Variants in GAREM1 observed in about 807,000 individuals in gnomAD.
GAREM1 encodes GRB2 associated regulator of MAPK1 subtype 1.
Under a neutral mutation model 71.3 loss-of-function variants are expected in GAREM1, and 26 were observed. That is an observed-to-expected ratio of 0.36 (90% CI 0.27 to 0.51). The LOEUF (loss-of-function observed/expected upper bound fraction) is 0.51, where lower values mean the gene tolerates loss of function less well. GAREM1 is among the 20% of genes least tolerant of loss of function. The pLI, the probability that GAREM1 is intolerant of heterozygous loss-of-function variation, is 0.95. For synonymous variants in GAREM1, 440 were observed against 433.2 expected, an observed-to-expected ratio of 1.02 and a Z score of -0.20; for missense variants, 1,026 against 1,103.1, an observed-to-expected ratio of 0.93 and a Z score of 0.99.
rs993437191 is a variant in GAREM1, at chr18:32,470,806, T to G, written c.-378A>C. 6.7e-6 allele frequency among the ~76,000 whole-genome samples: 1 copy of G among 149,436 alleles called. No individual in the cohort carries two copies. The highest frequency in any genetic ancestry group is 1.5e-5 in the Non-Finnish European group (1 of 67,048). ...GCTCGCCTCCTCCTCCTCTTACCCC[T>G]CCTTCCCTCCGCCTCGAGCGTGTGA... On this transcript the variant is annotated 5_prime_UTR_variant, in exon 1 of 6. Coordinates refer to ENST00000269209, the MANE Select transcript of GAREM1 (RefSeq NM_001242409.2). This position sits in a 1 kb window ranked among gnomAD's most constrained non-coding sequence, Gnocchi z 4.4.
chr18:32,410,402 G>A (rs1031159672), intron 1 of GAREM1, among the ~76,000 whole-genome samples: 4 of 152,162 alleles, frequency 2.6e-5, no homozygotes, highest in African/African-American at 7.2e-5. Flanking sequence ...AGCCTGGAGT[G>A]CATTGGCATG....
intron 1 of GAREM1, among the ~76,000 whole-genome samples, chr18:32,415,422 C>CAA (rs1300520427): frequency 6.6e-6 from 1 of 151,764 alleles, no homozygotes; most frequent in African/African-American, 2.4e-5. Flanking sequence ...AACAAACAAA[C>CAA]AAACAAAAAC....
chr18:32,292,824 C>T (rs1664652780), intron 3 of GAREM1, among the ~76,000 whole-genome samples: 1 of 152,104 alleles, frequency 6.6e-6, no homozygotes, highest in African/African-American at 2.4e-5. Flanking sequence ...TGGACTAATA[C>T]ACTTTGACCA....
At chr18:32,372,343 A>G (rs2047989214) in intron 2 of GAREM1, among the ~76,000 whole-genome samples, 1 of 152,198 alleles carries the variant, frequency 6.6e-6, no homozygotes. Flanking sequence ...TCAAAACCCA[A>G]TGCTTCTATG....
chr18:32,409,359 AT>A (rs2144681652), intron 1 of GAREM1, among the ~76,000 whole-genome samples: 2 of 152,272 alleles, frequency 1.3e-5, no homozygotes, highest in South Asian at 4.1e-4. Context: ...TTAAAATCCT[AT>A]TTTTGGGTGA....
Position 32,470,212 on chromosome 18 carries a change from C to G in GAREM1, c.121+96G>C. 7.8e-7 allele frequency: 1 copy of G among 1,284,726 alleles called. No homozygotes were observed. The highest frequency in any genetic ancestry group is 9.9e-7 in the Non-Finnish European group (1 of 1,009,914). 79.6% of individuals were successfully genotyped at this position (1,284,726 alleles called of 1,614,324 possible). A position where few individuals can be genotyped will look rare whatever the true frequency, so the allele number is the denominator to read the frequency against. ...CCGGCGCTCAGGGGCGGGCAGCCCACTCCCCGCGGGTCCCACCCTCTCCAG... is the reference window on the plus strand; with the variant it reads ...CCGGCGCTCAGGGGCGGGCAGCCCAGTCCCCGCGGGTCCCACCCTCTCCAG... On this transcript the variant is annotated intron_variant, in intron 1 of 5. Coordinates refer to ENST00000269209, the MANE Select transcript of GAREM1 (RefSeq NM_001242409.2). This position sits in a 1 kb window ranked among gnomAD's most constrained non-coding sequence, Gnocchi z 4.4.
intron 2 of GAREM1, among the ~76,000 whole-genome samples, chr18:32,333,292 G>T (rs1210050762): frequency 1.3e-5 from 2 of 152,076 alleles, no homozygotes; most frequent in Non-Finnish European, 2.9e-5. Flanking sequence ...CAACATAGTG[G>T]ATGGACCAAA....
chr18:32,398,893 T>C (rs1294525505), intron 1 of GAREM1, among the ~76,000 whole-genome samples: 1 of 152,202 alleles, frequency 6.6e-6, no homozygotes, highest in Non-Finnish European at 1.5e-5. Flanking sequence ...AATATCCTGA[T>C]GAACATTGAT....
chr18:32,460,833 A>G (rs1297924464), intron 1 of GAREM1, among the ~76,000 whole-genome samples: 1 of 152,194 alleles, frequency 6.6e-6, no homozygotes, highest in African/African-American at 2.4e-5. Context: ...CAGGAGTCAT[A>G]TGAAGAGCAT....
intron 1 of GAREM1, among the ~76,000 whole-genome samples, chr18:32,464,375 G>A (rs190825149): frequency 6.6e-6 from 1 of 152,316 alleles, no homozygotes; most frequent in Admixed American, 6.5e-5. Flanking sequence ...TTCCTGGCCA[G>A]ATGTGGTGGC....
At chr18:32,406,695 G>A (rs1459438794) in intron 1 of GAREM1, among the ~76,000 whole-genome samples, 7 of 152,172 alleles carry the variant, frequency 4.6e-5, no homozygotes, top group Non-Finnish European at 2.9e-5. Context: ...GATCAGGAAG[G>A]ATGTGGTTAC....
chr18:32,459,609 T>C (rs1051937855), intron 1 of GAREM1, among the ~76,000 whole-genome samples: 7 of 152,182 alleles, frequency 4.6e-5, no homozygotes, highest in African/African-American at 7.2e-5. Flanking sequence ...ACCAATTAAA[T>C]AGTTTTTAAC....
intron 4 of GAREM1, among the ~76,000 whole-genome samples, chr18:32,285,522 T>C (rs185977460): frequency 1.3e-5 from 2 of 152,356 alleles, no homozygotes; most frequent in African/African-American, 2.4e-5. Flanking sequence ...TCGTTGCTCA[T>C]GCTGCTCTGT....
At chr18:32,362,960 T>C (rs2047880938) in intron 2 of GAREM1, among the ~76,000 whole-genome samples, 1 of 152,228 alleles carries the variant, frequency 6.6e-6, no homozygotes, top group South Asian at 2.1e-4. Context: ...ATGTCAAGTA[T>C]ATAATTTAAT....
intron 1 of GAREM1, among the ~76,000 whole-genome samples, chr18:32,465,205 G>A (rs1011883937): frequency 2.0e-5 from 3 of 151,944 alleles, no homozygotes; most frequent in Middle Eastern, 3.2e-3. Context: ...GATGAACACC[G>A]AACATCTTCC....
intron 1 of GAREM1, among the ~76,000 whole-genome samples, chr18:32,411,493 CTTTT>C (rs567164283): frequency 7.3e-4 from 108 of 148,832 alleles, no homozygotes; most frequent in African/African-American, 2.6e-3. Context: ...AAAAATATTT[CTTTT>C]TTTTTTCATT....
intron 1 of GAREM1, among the ~76,000 whole-genome samples, chr18:32,396,827 G>A (rs1052208649): frequency 6.6e-6 from 1 of 152,114 alleles, no homozygotes; most frequent in African/African-American, 2.4e-5. Flanking sequence ...TACTCCTCGA[G>A]AAGAGCAACT....
chr18:32,341,443 G>A (rs1204882950), intron 2 of GAREM1, among the ~76,000 whole-genome samples: 1 of 152,116 alleles, frequency 6.6e-6, no homozygotes, highest in East Asian at 1.9e-4. Flanking sequence ...AAACATACAT[G>A]TGCATGTGTC....
intron 2 of GAREM1, among the ~76,000 whole-genome samples, chr18:32,347,591 C>A (rs2047708924): frequency 6.6e-6 from 1 of 152,148 alleles, no homozygotes; most frequent in African/African-American, 2.4e-5. Context: ...AGGGAACTTT[C>A]CTAAAGCAAA....
Sources: gnomAD v4.1 joint callset for allele counts (sites outside exome capture counted in the v4.1 genomes callset) on GRCh38, gnomAD v4.1.1 for gene constraint, Gnocchi (gnomAD v3.1) non-coding constraint, MANE v1.5 for transcripts, NCBI Gene and HGNC (gene_info 2026-07-23, HGNC 2026-07-21) for gene names.